Variants in RAD54B observed in about 807,000 individuals in gnomAD.
RAD54B encodes the protein RAD54 homolog B, also known as DNA repair and recombination protein RAD54B.
A neutral mutation model predicts 95.8 loss-of-function variants in RAD54B; 78 were observed. The ratio of observed to expected loss-of-function variants is 0.81; its 90% CI spans 0.68 to 0.98. The LOEUF is 0.98. Ranked by LOEUF, RAD54B falls within the 50% of genes least tolerant of loss-of-function variation. The probability of loss-of-function intolerance (pLI) is 0.00; values close to 1 mark genes in which losing one functional copy is unlikely to be tolerated. For synonymous variants in RAD54B, 328 were observed against 354.9 expected, an observed-to-expected ratio of 0.92 and a Z score of 0.85; for missense variants, 957 against 1,056.6, an observed-to-expected ratio of 0.91 and a Z score of 1.31.
At position 94,404,214 on chromosome 8, in the gene RAD54B, A is replaced by T; in HGVS notation, c.807T>A (p.Asp269Glu). ...TPNSLVMPRPDKNHQWVFNKN... is the reference protein window; with the variant it reads ...TPNSLVMPRPEKNHQWVFNKN... ...TATTGAATACCCACTGGTGATTCTT[A>T]TCTGGTCGTGGCATAACGAGGGAAT... The change falls in exon 6 of 15, where the codon GAT becomes GAA. Residue 269 changes from aspartate (D) to glutamate (E), a missense_variant. By Grantham distance (45) the Asp-to-Glu change is conservative (BLOSUM62 2). Coordinates refer to ENST00000336148, the MANE Select transcript of RAD54B (RefSeq NM_012415.3). 6.2e-7 allele frequency: 1 copy of T among 1,604,622 alleles called. No individual in the cohort carries two copies. The highest frequency in any genetic ancestry group is 8.5e-7 in the Non-Finnish European group (1 of 1,176,712).
At position 94,467,509 on chromosome 8, in the gene RAD54B, G is replaced by A. The variant is rs770808536; in HGVS notation, c.31C>T (p.Gln11Ter). ...TTTGGTTTTTTGAAGGAATTCCCCT[G>A]CAACTGACTTGGTGCTGCAGATCGT... The part of the protein sequence containing the change: MRRSAAPSQL[Q>*]GNSFKKPKFI... The change falls in exon 2 of 15, where the codon CAG becomes TAG. Residue 11 changes from glutamine to a stop codon, truncating the protein, a stop_gained. Coordinates refer to ENST00000336148, the MANE Select transcript of RAD54B (RefSeq NM_012415.3). LOFTEE classifies it high-confidence loss of function. 6.2e-7 allele frequency: 1 copy of A among 1,613,450 alleles called. No individual in the cohort carries two copies. Among genetic ancestry groups the A allele is most frequent in the African/African-American group, 1.3e-5 (1 of 74,994 alleles).
intron 5 of RAD54B, among the ~76,000 whole-genome samples, chr8:94,404,908 G>C (rs1359945086): frequency 6.6e-6 from 1 of 152,052 alleles, no homozygotes; most frequent in Non-Finnish European, 1.5e-5. Flanking sequence ...CCGCCTCCCA[G>C]GTTCAAGCAA....
chr8:94,414,018 C>T (rs2450574), intron 3 of RAD54B, among the ~76,000 whole-genome samples: 130,779 of 151,790 alleles, frequency 0.86, 57,628 homozygotes, highest in Non-Finnish European at 0.96. Context: ...GTACTTTTAG[C>T]AGAGACGGGG....
At chr8:94,394,742 A>G (rs970684954) in intron 8 of RAD54B, among the ~76,000 whole-genome samples, 2 of 152,230 alleles carry the variant, frequency 1.3e-5, no homozygotes, top group African/African-American at 4.8e-5. Context: ...AAACAATGTA[A>G]TATCAGATGG....
At chr8:94,471,051 A>G (rs1310788060) in intron 1 of RAD54B, among the ~76,000 whole-genome samples, 4 of 152,078 alleles carry the variant, frequency 2.6e-5, no homozygotes, top group Admixed American at 1.3e-4. Context: ...CTTAACCATG[A>G]GCCCTCTTCA....
chr8:94,444,771 T>C (rs1812481999), intron 3 of RAD54B, among the ~76,000 whole-genome samples: 1 of 123,634 alleles, frequency 8.1e-6, no homozygotes, highest in African/African-American at 3.1e-5. Context: ...CTTCCTTTCT[T>C]AGAGCACTAA....
intron 14 of RAD54B, among the ~76,000 whole-genome samples, chr8:94,377,560 A>C (rs1192994726): frequency 2.0e-4 from 16 of 80,830 alleles, no homozygotes; most frequent in Admixed American, 7.5e-4. Context: ...AAAAAAAAAA[A>C]AAAAAAAAAA....
intron 3 of RAD54B, among the ~76,000 whole-genome samples, chr8:94,416,995 A>G (rs2470747): frequency 0.14 from 21,076 of 152,200 alleles, 2,755 homozygotes; most frequent in African/African-American, 0.33. Flanking sequence ...TGTGCATTCA[A>G]CTGACAAAGG....
At chr8:94,436,698 T>A (rs1331197894) in intron 3 of RAD54B, 1 of 1,550,718 alleles carries the variant, frequency 6.4e-7, no homozygotes, top group African/African-American at 1.4e-5. Flanking sequence ...GGCGGTCTAC[T>A]CCAATTGCAT....
intron 3 of RAD54B, chr8:94,427,996 AT>A: frequency 2.2e-6 from 2 of 929,046 alleles, no homozygotes; most frequent in Non-Finnish European, 2.6e-6. Flanking sequence ...ATACTTGACT[AT>A]TTTAAGAAAT....
chr8:94,382,586 G>GA (rs1040224061), intron 11 of RAD54B, among the ~76,000 whole-genome samples: 8 of 152,098 alleles, frequency 5.3e-5, no homozygotes, highest in East Asian at 1.9e-4. Flanking sequence ...CACAGAAGAG[G>GA]AAAAAAATGA....
chr8:94,410,017 A>G (rs1369928844), intron 4 of RAD54B, among the ~76,000 whole-genome samples: 3 of 152,202 alleles, frequency 2.0e-5, no homozygotes, highest in Non-Finnish European at 4.4e-5. Flanking sequence ...TAATAAATAA[A>G]ACATTCTATT....
At chr8:94,378,750 T>A in intron 12 of RAD54B, 116 bp from the exon 13 acceptor site, 1 of 689,380 alleles carries the variant, frequency 1.5e-6, no homozygotes, top group Non-Finnish European at 2.4e-6. Context: ...ACATACAGCT[T>A]CAGAAAACAA....
chr8:94,470,816 A>G (rs1009279901), intron 1 of RAD54B, among the ~76,000 whole-genome samples: 5 of 152,124 alleles, frequency 3.3e-5, no homozygotes, highest in African/African-American at 9.7e-5. Context: ...CAGTAGGGGG[A>G]AAAAGGGAAA....
intron 6 of RAD54B, among the ~76,000 whole-genome samples, chr8:94,402,118 G>A (rs1811280384): frequency 1.3e-5 from 2 of 151,890 alleles, no homozygotes; most frequent in South Asian, 2.1e-4. Flanking sequence ...CTACCATCAC[G>A]ATTTGTTGTC....
intron 3 of RAD54B, among the ~76,000 whole-genome samples, chr8:94,411,755 T>C (rs1432998154): frequency 1.7e-5 from 2 of 115,040 alleles, no homozygotes; most frequent in East Asian, 2.0e-4. Flanking sequence ...TTTTTGTTTA[T>C]TTAATTGATA....
intron 10 of RAD54B, among the ~76,000 whole-genome samples, chr8:94,389,859 G>A (rs1388042905): frequency 6.6e-6 from 1 of 152,126 alleles, no homozygotes; most frequent in African/African-American, 2.4e-5. Context: ...GTGACTGCAT[G>A]GCAACAATGG....
intron 3 of RAD54B, among the ~76,000 whole-genome samples, chr8:94,422,606 A>T (rs1423988817): frequency 3.0e-5 from 3 of 100,970 alleles, no homozygotes; most frequent in African/African-American, 1.5e-4. Context: ...AAAAAAAAAA[A>T]AAAAAAAAAA....
chr8:94,458,215 T>C (rs1812820126), intron 3 of RAD54B, 53 bp downstream of exon 3: 7 of 1,414,234 alleles, frequency 4.9e-6, no homozygotes, highest in Middle Eastern at 4.0e-4. Context: ...ATTTAAAGAA[T>C]ACTGTAATAC....
Sources: gnomAD v4.1 joint callset for allele counts (sites outside exome capture counted in the v4.1 genomes callset) on GRCh38, gnomAD v4.1.1 for gene constraint, MANE v1.5 for transcripts, NCBI Gene and HGNC (gene_info 2026-07-23, HGNC 2026-07-21) for gene names.